Variants in APBB2 observed in about 807,000 individuals in gnomAD.
The protein encoded by APBB2 is Fe65-like 1.
A neutral mutation model predicts 82.5 loss-of-function variants in APBB2; 38 were observed. The ratio of observed to expected loss-of-function variants is 0.46; its 90% CI spans 0.36 to 0.60. The LOEUF (loss-of-function observed/expected upper bound fraction) is 0.60. Among genes scored for constraint, APBB2 ranks in the 20% least tolerant of loss-of-function variants. The probability of loss-of-function intolerance (pLI) is 0.00; values close to 1 mark genes in which losing one functional copy is unlikely to be tolerated. For synonymous variants in APBB2, 341 were observed against 368.2 expected (o/e 0.93, Z 0.85); for missense variants, 772 against 972.3 (o/e 0.79, Z 2.74).
intron 6 of APBB2, among the ~76,000 whole-genome samples, chr4:40,985,504 T>C (rs1223107810): frequency 6.6e-6 from 1 of 152,154 alleles, no homozygotes; most frequent in African/African-American, 2.4e-5. Context: ...CAGGGCCAAT[T>C]GTGGGGTGGC....
At chr4:41,076,327 T>G (rs994827518) in intron 3 of APBB2, among the ~76,000 whole-genome samples, 27 of 152,080 alleles carry the variant, frequency 1.8e-4, no homozygotes, top group African/African-American at 6.5e-4. Context: ...TTTTAAGGAG[T>G]AAAACTCCAT....
chr4:40,975,942 G>A (rs972700397), intron 6 of APBB2, among the ~76,000 whole-genome samples: 1 of 151,914 alleles, frequency 6.6e-6, no homozygotes, highest in Non-Finnish European at 1.5e-5. Flanking sequence ...ATCCAAACCA[G>A]TAAATTTACA....
At chr4:41,162,492 C>T (rs1032537790) in intron 1 of APBB2, among the ~76,000 whole-genome samples, 1 of 152,170 alleles carries the variant, frequency 6.6e-6, no homozygotes, top group African/African-American at 2.4e-5. Context: ...TAGACTCACC[C>T]ATATGCATTC....
intron 5 of APBB2, among the ~76,000 whole-genome samples, chr4:41,025,129 T>G (rs1212900639): frequency 6.6e-6 from 1 of 152,122 alleles, no homozygotes; most frequent in Admixed American, 6.5e-5. Context: ...TTCACCATGA[T>G]CTCTCCGGTC....
intron 11 of APBB2, among the ~76,000 whole-genome samples, chr4:40,891,344 C>A (rs1013640298): frequency 6.6e-6 from 1 of 152,126 alleles, no homozygotes; most frequent in South Asian, 2.1e-4. Flanking sequence ...GCAATCTCCC[C>A]GGCATAATTT....
At chr4:41,152,564 G>T (rs112434955) in intron 1 of APBB2, among the ~76,000 whole-genome samples, 6,262 of 152,082 alleles carry the variant, frequency 0.041, 145 homozygotes, top group Middle Eastern at 0.058. Context: ...TCCTGACCTC[G>T]TGATCTACCC....
chr4:40,945,832 T>C (rs1207989862), intron 6 of APBB2, among the ~76,000 whole-genome samples: 1 of 152,132 alleles, frequency 6.6e-6, no homozygotes, highest in Non-Finnish European at 1.5e-5. Flanking sequence ...ATGGTCTCCA[T>C]CTCCTGACCT....
chr4:41,029,094 G>A (rs1242661674), intron 5 of APBB2, among the ~76,000 whole-genome samples: 3 of 152,162 alleles, frequency 2.0e-5, no homozygotes, highest in African/African-American at 7.2e-5. Flanking sequence ...ACCAATGTTT[G>A]CCCCATGCTT....
chr4:40,948,582 G>C (rs11727110), intron 6 of APBB2, among the ~76,000 whole-genome samples: 12,060 of 151,706 alleles, frequency 0.079, 528 homozygotes, highest in Middle Eastern at 0.13. Context: ...TCAGCATGGT[G>C]AAATCCTGTC....
chr4:40,907,379 A>ATATATATTTTT (rs1491382228), intron 10 of APBB2, among the ~76,000 whole-genome samples: 2 of 37,396 alleles, frequency 5.3e-5, no homozygotes, highest in African/African-American at 2.5e-4. Flanking sequence ...ATATATATAT[A>ATATATATTTTT]TTTTTTTTTT....
intron 10 of APBB2, among the ~76,000 whole-genome samples, chr4:40,922,414 T>C (rs908344433): frequency 1.3e-5 from 2 of 152,190 alleles, no homozygotes; most frequent in African/African-American, 4.8e-5. Context: ...TTGGTGTCAG[T>C]TTAGAGTCTG....
intron 12 of APBB2, among the ~76,000 whole-genome samples, chr4:40,883,585 C>A (rs1769316618): frequency 6.6e-6 from 1 of 151,682 alleles, no homozygotes; most frequent in African/African-American, 2.4e-5. Flanking sequence ...GAAACTCAAT[C>A]TGAAAAAAAA....
chr4:41,213,807 G>A (rs925330452), intron 1 of APBB2, among the ~76,000 whole-genome samples: 2 of 152,206 alleles, frequency 1.3e-5, no homozygotes, highest in African/African-American at 4.8e-5. Context: ...AGGGGGAAAA[G>A]GAACTTTTCC....
chr4:40,861,590 T>A (rs1040778623), intron 12 of APBB2, among the ~76,000 whole-genome samples: 1 of 152,214 alleles, frequency 6.6e-6, no homozygotes, highest in Non-Finnish European at 1.5e-5. Context: ...GAAGGATATC[T>A]ATGTTAGATA....
chr4:40,815,234 T>C lies in APBB2; in HGVS notation c.*858A>G, dbSNP rs1048049228. 1 of 152,672 alleles carries C rather than the reference T, an allele frequency of 6.5e-6. No individual in the cohort carries two copies. The highest frequency in any genetic ancestry group is 2.1e-4 in the South Asian group (1 of 4,834). The allele number at this position is 152,672 out of a possible 1,614,324, so 9.5% of individuals were successfully genotyped here. ...GCTGATGAGGAGTATTTCATCTTAA[T>C]GTTTATGTAGAGAATGGCCATAGTG... On this transcript the variant is annotated 3_prime_UTR_variant, in exon 18 of 18. Transcript: ENST00000508593.
chr4:40,972,270 T>C (rs769865864), intron 6 of APBB2, among the ~76,000 whole-genome samples: 25 of 151,548 alleles, frequency 1.6e-4, no homozygotes, highest in Non-Finnish European at 3.2e-4. Context: ...CCACTAAAAA[T>C]ACAAAAAATT....
At chr4:41,043,608 T>C (rs1447590651) in intron 4 of APBB2, among the ~76,000 whole-genome samples, 1 of 152,172 alleles carries the variant, frequency 6.6e-6, no homozygotes, top group Non-Finnish European at 1.5e-5. Flanking sequence ...ATAACTACCA[T>C]CTTAATCAAA....
chr4:40,943,329 G>T (rs919289481), intron 7 of APBB2, among the ~76,000 whole-genome samples: 5 of 152,224 alleles, frequency 3.3e-5, no homozygotes, highest in Admixed American at 2.0e-4. Flanking sequence ...GATGGCTAAA[G>T]GTTTGGAATA....
At position 41,014,363 on chromosome 4, in the gene APBB2, C is replaced by A; in HGVS notation, c.55G>T (p.Ala19Ser). 1 of 1,614,030 alleles carries A rather than the reference C, an allele frequency of 6.2e-7. No homozygotes were observed. The highest frequency in any genetic ancestry group is 8.5e-7 in the Non-Finnish European group (1 of 1,180,016). The change falls in exon 6 of 18, where the codon GCC becomes TCC. Residue 19 changes from alanine (A) to serine (S), a missense_variant. Physicochemically the swap from Ala to Ser is moderately conservative, Grantham distance 99. Transcript: ENST00000508593. The part of the protein sequence containing the change: ...SGVDTLAVFM[A>S]SSGTTDVTNR... ...GTGACGTCTGTAGTTCCGCTGCTGG[C>A]CATAAACACTGCCAAGGTGTCAACA...
Sources: gnomAD v4.1 joint callset for allele counts (sites outside exome capture counted in the v4.1 genomes callset) on GRCh38, gnomAD v4.1.1 for gene constraint, MANE v1.5 for transcripts, NCBI Gene and HGNC (gene_info 2026-07-23, HGNC 2026-07-21) for gene names.